PPP2R5C: variants seen among roughly 807,000 people sequenced by gnomAD.
PPP2R5C encodes the protein serine/threonine-protein phosphatase 2A 56 kDa regulatory subunit gamma isoform.
PPP2R5C carries 7 observed loss-of-function variants against 68.9 expected under a neutral mutation model. That is an observed-to-expected ratio of 0.10 (90% CI 0.06 to 0.19). PPP2R5C has a LOEUF of 0.19. Ranked by LOEUF, PPP2R5C falls within the 10% of genes least tolerant of loss-of-function variation. The pLI is 1.00. For synonymous variants in PPP2R5C, 210 were observed against 222.2 expected (o/e 0.95, Z 0.49); for missense variants, 348 against 641.3 (o/e 0.54, Z 4.94).
intron 1 of PPP2R5C, among the ~76,000 whole-genome samples, chr14:101,830,258 A>G (rs1210295806): frequency 3.9e-5 from 6 of 152,360 alleles, no homozygotes; most frequent in African/African-American, 9.6e-5. Context: ...TTTACAGCCC[A>G]TATGAAGTTT....
chr14:101,872,335 A>G (rs2043479925), intron 2 of PPP2R5C, among the ~76,000 whole-genome samples: 1 of 137,260 alleles, frequency 7.3e-6, no homozygotes, highest in African/African-American at 2.8e-5. Context: ...CAGTCCTCCC[A>G]CCTCACACCC....
In PPP2R5C at chr14:101,905,000, G is replaced by A. The variant is rs2045941609; in HGVS notation, c.1024-1402G>A. Among the ~76,000 whole-genome samples the A allele has an allele frequency of 2.0e-5, 3 of 152,248 alleles. No homozygotes were observed. In the South Asian group the frequency reaches 6.2e-4, roughly 32 times the overall value. ...ATGAACAGTGTTGAATCTGGGTGGAGGGAGGTGGGCACTCATTATGTTAGT... is the reference window on the plus strand; with the variant it reads ...ATGAACAGTGTTGAATCTGGGTGGAAGGAGGTGGGCACTCATTATGTTAGT... On this transcript the variant is annotated intron_variant, in intron 9 of 13. Coordinates refer to ENST00000334743, the Ensembl canonical transcript of PPP2R5C.
chr14:101,776,051 TC>T (rs1323953827), intron 2 of PPP2R5C, among the ~76,000 whole-genome samples: 44 of 65,762 alleles, frequency 6.7e-4, no homozygotes, highest in African/African-American at 2.7e-3. Context: ...CCCGCCTTCC[TC>T]CTAGAAAATG....
chr14:101,895,463 C>T (rs1250368115), intron 8 of PPP2R5C, among the ~76,000 whole-genome samples: 1 of 152,152 alleles, frequency 6.6e-6, no homozygotes, highest in African/African-American at 2.4e-5. Context: ...ACCCATTAAA[C>T]AATAACTCTC....
chr14:101,904,294 C>T (rs1170687875), intron 9 of PPP2R5C, among the ~76,000 whole-genome samples: 3 of 151,856 alleles, frequency 2.0e-5, no homozygotes, highest in Non-Finnish European at 2.9e-5. Context: ...GGACTACAGG[C>T]GCCTGCCACC....
At chr14:101,922,115 C>T (rs996578801) in intron 13 of PPP2R5C, 4 of 985,248 alleles carry the variant, frequency 4.1e-6, no homozygotes, top group Admixed American at 1.2e-4. Flanking sequence ...GAAGAATTGA[C>T]GAGTTAACGT....
rs2045525560 is a variant in PPP2R5C at position 101,899,043 on chromosome 14, A to G, written c.853-2676A>G. ...GGAATGTTTAAAGTAAGATCCACTT[A>G]GAAGACTGAGATATGAAGGACATGT... On this transcript the variant is annotated intron_variant, in intron 8 of 13. Coordinates refer to ENST00000334743, the Ensembl canonical transcript of PPP2R5C. The surrounding 1 kb of genome is among the most constrained non-coding windows in gnomAD (Gnocchi z 4.2). 6.6e-6 allele frequency among the ~76,000 whole-genome samples: 1 copy of G among 152,242 alleles called. No homozygotes were observed. Among genetic ancestry groups the G allele is most frequent in the Non-Finnish European group, 1.5e-5 (1 of 68,044 alleles).
intron 1 of PPP2R5C, among the ~76,000 whole-genome samples, chr14:101,837,709 T>A (rs1327594116): frequency 1.3e-5 from 2 of 152,214 alleles, no homozygotes; most frequent in African/African-American, 4.8e-5. Context: ...ACACGAGCAC[T>A]AAGTAGATTC....
intron 1 of PPP2R5C, among the ~76,000 whole-genome samples, chr14:101,852,390 A>G (rs2042209570): frequency 6.6e-6 from 1 of 152,116 alleles, no homozygotes; most frequent in Non-Finnish European, 1.5e-5. Context: ...TCACTGATTA[A>G]TAACAGGCTT....
At chr14:101,816,600 C>T (rs148173189) in intron 1 of PPP2R5C, among the ~76,000 whole-genome samples, 4 of 151,856 alleles carry the variant, frequency 2.6e-5, no homozygotes. Context: ...GGAATTACTG[C>T]GAACTTTCTA....
intron 12 of PPP2R5C, chr14:101,914,146 C>G (rs1029338788): frequency 6.6e-6 from 3 of 454,434 alleles, no homozygotes; most frequent in Non-Finnish European, 1.3e-5. Context: ...TTTGGTTGCT[C>G]TCTTTGCAAA....
chr14:101,848,593 G>T (rs374352810), intron 1 of PPP2R5C, among the ~76,000 whole-genome samples: 4 of 152,128 alleles, frequency 2.6e-5, no homozygotes, highest in African/African-American at 7.2e-5. Context: ...GTGCGAGTAT[G>T]TCTTCTGGTC....
chr14:101,922,154 T>C lies in PPP2R5C; in HGVS notation c.1444-2987T>C, dbSNP rs2047041193. ...CATGAAGTATTTTCCCTTTTGTCCA[T>C]GTCATTCCAGATTGTGATGGTCAAA... is the stretch of plus-strand genomic sequence containing the variant. On this transcript the variant is annotated intron_variant, in intron 13 of 13. Coordinates refer to ENST00000334743, the Ensembl canonical transcript of PPP2R5C. 13 of 985,306 alleles carry C rather than the reference T, an allele frequency of 1.3e-5. No homozygotes were observed. The South Asian group carries it at 5.6e-4, about 43-fold the overall frequency. 61.0% of individuals were successfully genotyped at this position (985,306 alleles called of 1,614,324 possible).
At chr14:101,914,003 G>A (rs2046523569) in intron 12 of PPP2R5C, among the ~76,000 whole-genome samples, 1 of 152,248 alleles carries the variant, frequency 6.6e-6, no homozygotes, top group Admixed American at 6.5e-5. Context: ...GGTTGTTTGT[G>A]TTGACAAACA....
chr14:101,847,212 T>C (rs916875228), intron 1 of PPP2R5C, among the ~76,000 whole-genome samples: 1 of 152,114 alleles, frequency 6.6e-6, no homozygotes, highest in Non-Finnish European at 1.5e-5. Context: ...AAAGTTCTCC[T>C]CTGAGAAAAT....
chr14:101,924,610 T>C (rs1044632712), intron 13 of PPP2R5C, among the ~76,000 whole-genome samples: 5 of 151,506 alleles, frequency 3.3e-5, no homozygotes, highest in African/African-American at 1.2e-4. Flanking sequence ...ACCCATCTGA[T>C]TTTTGTATTT....
chr14:101,777,666 T>C (rs1377233370), intron 2 of PPP2R5C, among the ~76,000 whole-genome samples: 1 of 152,062 alleles, frequency 6.6e-6, no homozygotes, highest in Non-Finnish European at 1.5e-5. Flanking sequence ...GGTAATTTTA[T>C]GTTTAACTTG....
intron 2 of PPP2R5C, among the ~76,000 whole-genome samples, chr14:101,763,790 G>A (rs577889847): frequency 5.9e-5 from 9 of 152,218 alleles, no homozygotes; most frequent in Admixed American, 6.5e-5. Context: ...TAGCTTTAGG[G>A]TCATCTCCCC....
intron 2 of PPP2R5C, among the ~76,000 whole-genome samples, chr14:101,870,680 A>G (rs2043347919): frequency 6.6e-6 from 1 of 152,232 alleles, no homozygotes; most frequent in Non-Finnish European, 1.5e-5. Flanking sequence ...GTTATCTACA[A>G]AATATTCTCC....
Sources: allele counts gnomAD v4.1 joint callset (sites outside exome capture counted in the v4.1 genomes callset), GRCh38; gene constraint gnomAD v4.1.1; non-coding constraint Gnocchi (gnomAD v3.1); transcripts MANE v1.5; gene names NCBI Gene and HGNC (gene_info 2026-07-23, HGNC 2026-07-21).